PIK3C2G: variants seen among roughly 807,000 people sequenced by gnomAD.
The protein encoded by PIK3C2G is phosphatidylinositol-4-phosphate 3-kinase catalytic subunit type 2 gamma, also known as phosphatidylinositol 3-kinase C2 domain-containing subunit gamma.
PIK3C2G carries 168 observed loss-of-function variants against 181.1 expected under a neutral mutation model. That is an observed-to-expected ratio of 0.93 (90% CI 0.82 to 1.05). The LOEUF is 1.05. Among genes scored for constraint, PIK3C2G ranks in the 50% least tolerant of loss-of-function variants. PIK3C2G has a pLI of 0.00. For synonymous variants in PIK3C2G, 573 were observed against 592.2 expected (o/e 0.97, Z 0.47); for missense variants, 1,869 against 1,732.8 (o/e 1.08, Z -1.40).
chr12:18,485,164 G>C (rs1939912442), intron 18 of PIK3C2G, among the ~76,000 whole-genome samples: 2 of 152,150 alleles, frequency 1.3e-5, no homozygotes, highest in African/African-American at 4.8e-5. Flanking sequence ...GGCCTGGATT[G>C]AATGAGTTTA....
intron 30 of PIK3C2G, among the ~76,000 whole-genome samples, chr12:18,597,895 A>C (rs1477889265): frequency 6.6e-6 from 1 of 152,192 alleles, no homozygotes; most frequent in Non-Finnish European, 1.5e-5. Context: ...ACTCCCATTC[A>C]CAATTGCTTC....
the PIK3C2G span, among the ~76,000 whole-genome samples, chr12:18,691,517 G>A: frequency 6.6e-6 from 1 of 152,026 alleles, no homozygotes; most frequent in Non-Finnish European, 1.5e-5. Flanking sequence ...ATATCTTAAG[G>A]GAAGGCAGAG....
At chr12:18,286,724 TA>T (rs1418224691) in intron 2 of PIK3C2G, 122 bp from the exon 3 acceptor site, 1 of 577,760 alleles carries the variant, frequency 1.7e-6, no homozygotes, top group African/African-American at 1.9e-5. Context: ...CTTCAATTTT[TA>T]AAAAATCTAA....
chr12:18,677,531 T>C, the PIK3C2G span, among the ~76,000 whole-genome samples: 10 of 152,040 alleles, frequency 6.6e-5, no homozygotes, highest in African/African-American at 2.4e-4. Flanking sequence ...AATTTTCGTC[T>C]CTTAAAATGT....
chr12:18,436,970 A>C (rs540432486), intron 18 of PIK3C2G, among the ~76,000 whole-genome samples: 1 of 152,090 alleles, frequency 6.6e-6, no homozygotes, highest in Admixed American at 6.6e-5. Context: ...TTGTTAAGCA[A>C]CCACTTACCA....
At chr12:18,693,439 G>A in the PIK3C2G span, 4 of 1,604,876 alleles carry the variant, frequency 2.5e-6, no homozygotes, top group South Asian at 4.4e-5. Flanking sequence ...CCTCCAAGGG[G>A]GTCATTCTCT....
chr12:18,414,584 T>A (rs2135659899), intron 16 of PIK3C2G, among the ~76,000 whole-genome samples: 1 of 152,278 alleles, frequency 6.6e-6, no homozygotes, highest in Non-Finnish European at 1.5e-5. Context: ...AACTATTAAT[T>A]TTTAGACATT....
At chr12:18,507,641 C>A (rs572899429) in intron 24 of PIK3C2G, among the ~76,000 whole-genome samples, 51 of 151,906 alleles carry the variant, frequency 3.4e-4, no homozygotes, top group Admixed American at 1.6e-3. Flanking sequence ...CTACCTTTTT[C>A]TAAAAATTCA....
At chr12:18,719,610 T>A in the PIK3C2G span, 2 of 1,602,348 alleles carry the variant, frequency 1.2e-6, no homozygotes, top group Non-Finnish European at 1.7e-6. Flanking sequence ...AACCTTCTAA[T>A]GACATTTGGT....
the PIK3C2G span, among the ~76,000 whole-genome samples, chr12:18,665,316 G>A: frequency 1.1e-4 from 16 of 151,990 alleles, 1 homozygote; most frequent in Non-Finnish European, 2.9e-5. Flanking sequence ...ATTAGTGGTA[G>A]TTGTAGAATG....
chr12:18,508,241 G>A (rs191538179), intron 24 of PIK3C2G, among the ~76,000 whole-genome samples: 50 of 152,304 alleles, frequency 3.3e-4, no homozygotes, highest in Non-Finnish European at 6.2e-4. Flanking sequence ...CTCATTGGCA[G>A]TGTCTCCTTG....
chr12:18,432,965 AG>A (rs1415329024), intron 18 of PIK3C2G, among the ~76,000 whole-genome samples: 5 of 150,424 alleles, frequency 3.3e-5, no homozygotes, highest in Admixed American at 2.7e-4. Flanking sequence ...AACTCATTCA[AG>A]TACTGAAGAT....
chr12:18,662,779 A>C, the PIK3C2G span, among the ~76,000 whole-genome samples: 2 of 152,140 alleles, frequency 1.3e-5, no homozygotes, highest in African/African-American at 4.8e-5. Flanking sequence ...TATAAAATCA[A>C]ATTAGAGAGT....
intron 18 of PIK3C2G, among the ~76,000 whole-genome samples, chr12:18,465,147 A>G (rs1422385339): frequency 3.9e-5 from 6 of 151,916 alleles, no homozygotes. Context: ...CCCTTTGAAT[A>G]CCTCAGTCAA....
chr12:18,521,084 CG>C (rs1294197300), intron 24 of PIK3C2G, among the ~76,000 whole-genome samples: 1 of 151,988 alleles, frequency 6.6e-6, no homozygotes, highest in Admixed American at 6.6e-5. Context: ...AGATGTCACT[CG>C]AGAAGGCTGG....
chr12:18,513,527 T>C (rs1417816938), intron 24 of PIK3C2G, among the ~76,000 whole-genome samples: 40 of 151,906 alleles, frequency 2.6e-4, no homozygotes, highest in Non-Finnish European at 3.0e-5. Context: ...TCTTGGTAGA[T>C]TGTATGTGTC....
intron 31 of PIK3C2G, among the ~76,000 whole-genome samples, chr12:18,619,612 T>C (rs1948752953): frequency 1.3e-5 from 2 of 152,186 alleles, no homozygotes; most frequent in East Asian, 1.9e-4. Context: ...TTTGATTTTT[T>C]CTTTGTCTTT....
At chr12:18,712,382 A>G in the PIK3C2G span, among the ~76,000 whole-genome samples, 11 of 152,188 alleles carry the variant, frequency 7.2e-5, no homozygotes, top group Admixed American at 7.2e-4. Flanking sequence ...TTTTGAATCC[A>G]AAGTAAACTT....
At chr12:18,358,492 A>G in intron 11 of PIK3C2G, 1 of 263,690 alleles carries the variant, frequency 3.8e-6, no homozygotes, top group Non-Finnish European at 7.6e-6. Flanking sequence ...TTTGACTCTC[A>G]GGACCCACTT....
Sources: allele counts gnomAD v4.1 joint callset (sites outside exome capture counted in the v4.1 genomes callset), GRCh38; gene constraint gnomAD v4.1.1; transcripts MANE v1.5; gene names NCBI Gene and HGNC (gene_info 2026-07-23, HGNC 2026-07-21).